Variants in LRFN5 observed in about 807,000 individuals in gnomAD.
LRFN5 encodes leucine-rich repeat and fibronectin type-III domain-containing protein 5.
LRFN5 carries 24 observed loss-of-function variants against 45.6 expected under a neutral mutation model. That is an observed-to-expected ratio of 0.53 (90% CI 0.38 to 0.74). The LOEUF (loss-of-function observed/expected upper bound fraction) is 0.74. LRFN5 is among the 30% of genes least tolerant of loss of function. The pLI, the probability that LRFN5 is intolerant of heterozygous loss-of-function variation, is 0.00. For synonymous variants in LRFN5, 340 were observed against 313.8 expected, an observed-to-expected ratio of 1.08 and a Z score of -0.88; for missense variants, 776 against 861.5, an observed-to-expected ratio of 0.90 and a Z score of 1.24.
intron 2 of LRFN5, among the ~76,000 whole-genome samples, chr14:41,882,836 TG>T (rs1286834477): frequency 6.8e-6 from 1 of 147,518 alleles, no homozygotes; most frequent in African/African-American, 2.5e-5. Context: ...GCAACAGCTA[TG>T]TATTTCCTCT....
rs1185800880 is a variant in LRFN5 at position 41,886,720 on chromosome 14, A to C, written c.95A>C (p.Asn32Thr). 1.7e-5 allele frequency: 28 copies of C among 1,614,148 alleles called. No individual in the cohort carries two copies. Among genetic ancestry groups the C allele is most frequent in the Non-Finnish European group, 2.4e-5 (28 of 1,180,014 alleles). ...KRCVCQILSP[N>T]LATLCAKKGL... Reference sequence around the variant, plus strand: ...TGTGTCTGTCAGATTTTGTCTCCTAATCTTGCAACCCTTTGTGCCAAGAAA... The same window carrying C: ...TGTGTCTGTCAGATTTTGTCTCCTACTCTTGCAACCCTTTGTGCCAAGAAA... The change falls in exon 3 of 6, where the codon AAT becomes ACT. Residue 32 changes from asparagine (N) to threonine (T), a missense_variant. Around this residue, in one of 2 missense-constraint regions of LRFN5, gnomAD observed 311 missense variants for 405.1 expected, o/e 0.77. Transcript: ENST00000298119.
At chr14:41,864,556 C>T (rs1434424029) in intron 2 of LRFN5, among the ~76,000 whole-genome samples, 3 of 152,124 alleles carry the variant, frequency 2.0e-5, no homozygotes, top group Non-Finnish European at 4.4e-5. Flanking sequence ...TAGAAGCCCA[C>T]CCTACTCCAG....
At chr14:41,784,538 C>T (rs1241760999) in intron 2 of LRFN5, among the ~76,000 whole-genome samples, 3 of 151,832 alleles carry the variant, frequency 2.0e-5, no homozygotes, top group Non-Finnish European at 4.4e-5. Context: ...AGACTGCTGA[C>T]ATAGTTTTTC....
intron 1 of LRFN5, among the ~76,000 whole-genome samples, chr14:41,746,941 A>C (rs551437800): frequency 6.6e-6 from 1 of 151,948 alleles, no homozygotes; most frequent in Non-Finnish European, 1.5e-5. Context: ...AATTGAGAAA[A>C]TGATTCCATT....
chr14:41,776,330 G>A (rs536414213), intron 2 of LRFN5, among the ~76,000 whole-genome samples: 1 of 152,206 alleles, frequency 6.6e-6, no homozygotes, highest in Non-Finnish European at 1.5e-5. Context: ...GGTATTGAAG[G>A]AAATGTCAAG....
At chr14:41,814,369 G>A (rs1236793208) in intron 2 of LRFN5, among the ~76,000 whole-genome samples, 3 of 151,884 alleles carry the variant, frequency 2.0e-5, no homozygotes, top group African/African-American at 7.3e-5. Flanking sequence ...TTTTTTACTG[G>A]CAATCAATAA....
At chr14:41,741,704 T>G (rs984149883) in intron 1 of LRFN5, among the ~76,000 whole-genome samples, 2 of 151,486 alleles carry the variant, frequency 1.3e-5, no homozygotes, top group African/African-American at 4.8e-5. Context: ...GGATATTGCA[T>G]CTAACTAAAA....
intron 1 of LRFN5, among the ~76,000 whole-genome samples, chr14:41,763,632 A>C (rs1194569632): frequency 6.6e-6 from 1 of 152,122 alleles, no homozygotes; most frequent in Non-Finnish European, 1.5e-5. Flanking sequence ...TTCTGGTGAT[A>C]GTGAATAAGT....
At chr14:41,667,854 A>T (rs934167420) in intron 1 of LRFN5, among the ~76,000 whole-genome samples, 3 of 152,130 alleles carry the variant, frequency 2.0e-5, no homozygotes, top group African/African-American at 7.2e-5. Flanking sequence ...ATACCTATTT[A>T]TAATTAGTTA....
At chr14:41,840,414 A>G (rs1357544012) in intron 2 of LRFN5, among the ~76,000 whole-genome samples, 3 of 152,066 alleles carry the variant, frequency 2.0e-5, no homozygotes, top group Non-Finnish European at 4.4e-5. Flanking sequence ...CCTGAAGGCT[A>G]TTTAGGCAAC....
chr14:41,678,950 G>C (rs1881761189), intron 1 of LRFN5, among the ~76,000 whole-genome samples: 1 of 152,154 alleles, frequency 6.6e-6, no homozygotes, highest in African/African-American at 2.4e-5. Flanking sequence ...GGCGTAGGTA[G>C]AGTATGGTGA....
At chr14:41,633,956 C>A (rs1188451256) in intron 1 of LRFN5, among the ~76,000 whole-genome samples, 2 of 151,850 alleles carry the variant, frequency 1.3e-5, no homozygotes, top group Non-Finnish European at 2.9e-5. Flanking sequence ...AGATATGGAA[C>A]AAAGAAATAA....
At chr14:41,752,585 T>C (rs1885184107) in intron 1 of LRFN5, among the ~76,000 whole-genome samples, 1 of 152,246 alleles carries the variant, frequency 6.6e-6, no homozygotes, top group Admixed American at 6.5e-5. Flanking sequence ...TCTGTTCATA[T>C]CCTTTGCCCA....
intron 1 of LRFN5, among the ~76,000 whole-genome samples, chr14:41,724,229 T>G (rs1469881280): frequency 1.3e-5 from 2 of 152,176 alleles, no homozygotes; most frequent in African/African-American, 4.8e-5. Flanking sequence ...TTGATCTGTA[T>G]GCACTATCTT....
intron 2 of LRFN5, among the ~76,000 whole-genome samples, chr14:41,876,811 G>A (rs148707623): frequency 4.3e-4 from 66 of 152,032 alleles, no homozygotes; most frequent in Admixed American, 8.5e-4. Context: ...GTTTTTACCC[G>A]CAGCATCCTC....
chr14:41,679,455 C>T (rs1881787242), intron 1 of LRFN5, among the ~76,000 whole-genome samples: 1 of 152,036 alleles, frequency 6.6e-6, no homozygotes, highest in African/African-American at 2.4e-5. Flanking sequence ...AGTCCTGAGA[C>T]CCCTATTCCA....
intron 1 of LRFN5, among the ~76,000 whole-genome samples, chr14:41,764,340 CA>C (rs1355909979): frequency 1.3e-5 from 2 of 152,178 alleles, no homozygotes; most frequent in East Asian, 3.9e-4. Flanking sequence ...GTATTTACCT[CA>C]TTTGATTCTT....
rs1287001924 is a variant in LRFN5, at chr14:41,808,585, GGAAGGAAGGAAC to G, written c.-21+41568_-21+41579del. 4.0e-3 allele frequency among the ~76,000 whole-genome samples: 540 copies of G among 134,544 alleles called. 4 individuals carry two copies. Among genetic ancestry groups the G allele is most frequent in the African/African-American group, 0.014 (514 of 35,606 alleles). 88.3% of individuals were successfully genotyped at this position (134,544 alleles called of 152,430 possible). ...AGGAAGGAAGGAAGGAAGGAAGGAA[GGAAGGAAGGAAC>G]GAAGGAAGGAAGGGACCTATGAAAT... On this transcript the variant is annotated intron_variant, in intron 2 of 5. Coordinates refer to ENST00000298119, the MANE Select transcript of LRFN5 (RefSeq NM_152447.5).
chr14:41,675,267 G>C (rs889439749), intron 1 of LRFN5, among the ~76,000 whole-genome samples: 20 of 152,226 alleles, frequency 1.3e-4, no homozygotes, highest in Middle Eastern at 3.2e-3. Context: ...GGAGGTGGAG[G>C]TTGTAGCCAG....
Sources: allele counts gnomAD v4.1 joint callset (sites outside exome capture counted in the v4.1 genomes callset), GRCh38; gene constraint gnomAD v4.1.1; regional missense constraint gnomAD v4.1.1; transcripts MANE v1.5; gene names NCBI Gene and HGNC (gene_info 2026-07-23, HGNC 2026-07-21).